Variants in ACYP2 observed in about 807,000 individuals in gnomAD.
The protein encoded by ACYP2 is acylphosphatase 2.
Under a neutral mutation model 11.2 loss-of-function variants are expected in ACYP2, and 12 were observed. The observed-to-expected ratio is 1.08, with a 90% CI of 0.69 to 1.74. The LOEUF (loss-of-function observed/expected upper bound fraction) is 1.74. Among genes scored for constraint, ACYP2 ranks in the 40% most tolerant of loss-of-function variants. The pLI is 0.00. For missense variants in ACYP2, 134 were observed against 101.9 expected (o/e 1.31, Z -1.35); for synonymous variants, 43 against 32.2 (o/e 1.33, Z -1.13).
intron 3 of ACYP2, among the ~76,000 whole-genome samples, chr2:54,053,522 C>G (rs1418098954): frequency 2.0e-5 from 3 of 152,220 alleles, no homozygotes; most frequent in Non-Finnish European, 2.9e-5. Context: ...CCTACAGTGG[C>G]TCTGTGACTC....
intron 2 of ACYP2, among the ~76,000 whole-genome samples, chr2:53,979,060 TAA>T (rs983643188): frequency 1.4e-5 from 2 of 146,196 alleles, no homozygotes; most frequent in South Asian, 2.2e-4. Context: ...TTCTACTTAT[TAA>T]AAAAAAAAAG....
chr2:54,240,669 C>T (rs1572978892), intron 6 of ACYP2, among the ~76,000 whole-genome samples: 1 of 152,264 alleles, frequency 6.6e-6, no homozygotes, highest in East Asian at 1.9e-4. Flanking sequence ...GCTCGTATTA[C>T]AAAGGATGCA....
intron 2 of ACYP2, among the ~76,000 whole-genome samples, chr2:54,036,394 C>T (rs1558485752): frequency 6.6e-6 from 1 of 152,306 alleles, no homozygotes; most frequent in East Asian, 1.9e-4. Context: ...GCACCCAGCC[C>T]AAAGTCCCTT....
At chr2:54,169,399 C>G (rs1166164083) in intron 6 of ACYP2, among the ~76,000 whole-genome samples, 2 of 152,154 alleles carry the variant, frequency 1.3e-5, no homozygotes, top group African/African-American at 2.4e-5. Flanking sequence ...TACACACATG[C>G]TCACCTTCGT....
intron 6 of ACYP2, among the ~76,000 whole-genome samples, chr2:54,267,602 A>G (rs539399973): frequency 6.6e-6 from 1 of 152,214 alleles, no homozygotes; most frequent in Non-Finnish European, 1.5e-5. Flanking sequence ...TTTAAAGATC[A>G]TTCTGGAAAA....
At chr2:54,054,224 T>C (rs968505414) in intron 3 of ACYP2, among the ~76,000 whole-genome samples, 12 of 152,326 alleles carry the variant, frequency 7.9e-5, no homozygotes, top group South Asian at 6.2e-4. Context: ...CTGGGAACAT[T>C]ATTAGTTACA....
intron 6 of ACYP2, among the ~76,000 whole-genome samples, chr2:54,147,496 G>C (rs1052509013): frequency 6.6e-6 from 1 of 151,840 alleles, no homozygotes; most frequent in African/African-American, 2.4e-5. Context: ...TTGGTTTACT[G>C]TATAGTTACT....
intron 6 of ACYP2, among the ~76,000 whole-genome samples, chr2:54,165,510 C>G (rs935440332): frequency 1.7e-5 from 2 of 120,874 alleles, no homozygotes; most frequent in African/African-American, 6.3e-5. Flanking sequence ...GTCTCTCTCT[C>G]TTTCACTCTC....
chr2:54,194,597 C>T (rs1463983012), intron 6 of ACYP2, among the ~76,000 whole-genome samples: 1 of 152,040 alleles, frequency 6.6e-6, no homozygotes, highest in African/African-American at 2.4e-5. Flanking sequence ...CAAATTATAT[C>T]TATTGAGTAA....
intron 6 of ACYP2, among the ~76,000 whole-genome samples, chr2:54,143,964 T>C (rs987432262): frequency 1.3e-5 from 2 of 152,032 alleles, no homozygotes; most frequent in African/African-American, 2.4e-5. Flanking sequence ...ATCTACCCTG[T>C]GGTAACTGGT....
intron 4 of ACYP2, among the ~76,000 whole-genome samples, chr2:54,063,416 T>G (rs1320598465): frequency 1.3e-5 from 2 of 152,234 alleles, no homozygotes; most frequent in Non-Finnish European, 2.9e-5. Context: ...CCCTCCATCT[T>G]TCTCGACCCT....
In ACYP2 at chr2:54,150,918, T is replaced by A. The variant is rs1166827890; in HGVS notation, c.404+12170T>A. Among the ~76,000 whole-genome samples the A allele has an allele frequency of 2.0e-5, 3 of 151,774 alleles. No homozygotes were observed. The East Asian group carries it at 5.9e-4, about 30-fold the overall frequency. On this transcript the variant is annotated intron_variant, in intron 6 of 6. Transcript: ENST00000607452. ...TACCACGCCCGGCTAATTTTTTGTA[T>A]TTTTAGTAGAGACGGGGTTTCACTG...
intron 2 of ACYP2, among the ~76,000 whole-genome samples, chr2:54,044,323 G>C (rs913800851): frequency 2.0e-5 from 3 of 152,208 alleles, no homozygotes; most frequent in Non-Finnish European, 4.4e-5. Context: ...GGCTGAGTGC[G>C]GTGGCTCATG....
At chr2:54,209,136 AT>A (rs1214481254) in intron 6 of ACYP2, among the ~76,000 whole-genome samples, 2 of 152,084 alleles carry the variant, frequency 1.3e-5, no homozygotes, top group East Asian at 3.8e-4. Context: ...AAAATATGAC[AT>A]TGGGGGGAAG....
In ACYP2 at chr2:54,304,787, T is replaced by G. The variant is rs758684939; in HGVS notation, c.504T>G (p.Phe168Leu). The G allele has an allele frequency of 6.3e-6, 10 of 1,592,650 alleles. No individual in the cohort carries two copies. In the Admixed American group the frequency reaches 1.7e-4, roughly 27 times the overall value. Residue 168 changes from phenylalanine to leucine, a missense_variant, in exon 7 of 7, where the codon TTT becomes TTG. By Grantham distance (22) the Phe-to-Leu change is conservative. Coordinates refer to ENST00000607452, the MANE Select transcript of ACYP2 (RefSeq NM_001320586.2). ...TCTCTAAGCTTGAATACTCTAATTT[T>G]AGTATTAGATACTAATAGAAGAGAA... is the stretch of plus-strand genomic sequence containing the variant.
chr2:54,043,754 A>G (rs570032467), intron 2 of ACYP2, among the ~76,000 whole-genome samples: 1 of 152,110 alleles, frequency 6.6e-6, no homozygotes, highest in African/African-American at 2.4e-5. Context: ...TTCCATGGCA[A>G]ATTTACACAT....
chr2:54,014,489 T>A (rs1673569788), intron 2 of ACYP2, among the ~76,000 whole-genome samples: 1 of 151,838 alleles, frequency 6.6e-6, no homozygotes, highest in Non-Finnish European at 1.5e-5. Context: ...CTGGCTAATT[T>A]TTTGTATTTT....
chr2:53,994,116 G>C lies in ACYP2; in HGVS notation c.62+20306G>C, dbSNP rs560386071. On this transcript the variant is annotated intron_variant, in intron 2 of 6. Coordinates refer to ENST00000607452, the MANE Select transcript of ACYP2 (RefSeq NM_001320586.2). ...GAGTCCAAGGCGGGCGGATCCCGAGGTCAGGAGATCGAGACCATCCTGGCT... is the reference window on the plus strand; with the variant it reads ...GAGTCCAAGGCGGGCGGATCCCGAGCTCAGGAGATCGAGACCATCCTGGCT... Among the ~76,000 whole-genome samples, 13 of 152,188 alleles carry C rather than the reference G, an allele frequency of 8.5e-5. No homozygotes were observed. In the East Asian group the frequency reaches 1.5e-3, roughly 18 times the overall value.
intron 2 of ACYP2, among the ~76,000 whole-genome samples, chr2:53,991,086 G>A (rs998310040): frequency 2.6e-5 from 4 of 152,124 alleles, no homozygotes; most frequent in South Asian, 4.1e-4. Context: ...GTGAGCCACC[G>A]TGCCCTGTCG....
Sources: gnomAD v4.1 joint callset for allele counts (sites outside exome capture counted in the v4.1 genomes callset) on GRCh38, gnomAD v4.1.1 for gene constraint, MANE v1.5 for transcripts, NCBI Gene and HGNC (gene_info 2026-07-23, HGNC 2026-07-21) for gene names.